C14orf39: variants seen among roughly 807,000 people sequenced by gnomAD.
C14orf39 encodes protein SIX6OS1.
C14orf39 carries 66 observed loss-of-function variants against 85.6 expected under a neutral mutation model. The ratio of observed to expected loss-of-function variants is 0.77; its 90% CI spans 0.63 to 0.95. C14orf39 has a LOEUF of 0.95. C14orf39 is among the 40% of genes least tolerant of loss of function. C14orf39 has a pLI of 0.00. For missense variants in C14orf39, 735 were observed against 663.9 expected, an observed-to-expected ratio of 1.11 and a Z score of -1.18; for synonymous variants, 242 against 214.0, an observed-to-expected ratio of 1.13 and a Z score of -1.14.
intron 16 of C14orf39, among the ~76,000 whole-genome samples, chr14:60,444,782 G>C (rs1595441883): frequency 6.6e-6 from 1 of 152,116 alleles, no homozygotes; most frequent in Non-Finnish European, 1.5e-5. Context: ...AGGAAACAAT[G>C]TTAAGGGCAG....
At chr14:60,502,766 C>T (rs1288001814) in intron 1 of C14orf39, among the ~76,000 whole-genome samples, 1 of 152,198 alleles carries the variant, frequency 6.6e-6, no homozygotes, top group African/African-American at 2.4e-5. Context: ...CTTAAGCAGC[C>T]TCCTCTCTGT....
At chr14:60,460,676 T>C (rs1030526031) in intron 13 of C14orf39, among the ~76,000 whole-genome samples, 2 of 151,876 alleles carry the variant, frequency 1.3e-5, no homozygotes, top group African/African-American at 4.8e-5. Context: ...TATACATACA[T>C]GTATACACAT....
At chr14:60,470,981 C>G (rs1442632211) in intron 7 of C14orf39, among the ~76,000 whole-genome samples, 1 of 151,934 alleles carries the variant, frequency 6.6e-6, no homozygotes, top group East Asian at 1.9e-4. Flanking sequence ...GTCTTCCCTA[C>G]TAAACCCAGA....
intron 1 of C14orf39, among the ~76,000 whole-genome samples, chr14:60,506,575 A>C (rs1288246233): frequency 1.3e-5 from 2 of 152,168 alleles, no homozygotes; most frequent in Non-Finnish European, 1.5e-5. Flanking sequence ...CAAATAAGTG[A>C]TTCCAAGGTG....
At chr14:60,512,827 TA>T (rs1351816389) in intron 1 of C14orf39, 1 of 152,202 alleles carries the variant, frequency 6.6e-6, no homozygotes, top group Non-Finnish European at 1.5e-5. Context: ...TTGCATATTA[TA>T]AAATTTGACA....
At chr14:60,463,948 C>A (rs977517200) in intron 11 of C14orf39, among the ~76,000 whole-genome samples, 1 of 152,026 alleles carries the variant, frequency 6.6e-6, no homozygotes, top group African/African-American at 2.4e-5. Context: ...CTATCCTATC[C>A]AAAATCTAAT....
intron 16 of C14orf39, among the ~76,000 whole-genome samples, chr14:60,443,078 C>T (rs1353855623): frequency 3.0e-5 from 2 of 66,996 alleles, no homozygotes; most frequent in African/African-American, 1.2e-4. Context: ...ATAGGAAGAG[C>T]TCTGGTCTGC....
intron 16 of C14orf39, among the ~76,000 whole-genome samples, chr14:60,451,121 C>T (rs1891013479): frequency 6.6e-6 from 1 of 152,126 alleles, no homozygotes; most frequent in South Asian, 2.1e-4. Flanking sequence ...CTAGAAAAAT[C>T]ACCAGGGACC....
At chr14:60,487,725 A>G (rs1167038885), upstream of C14orf39, among the ~76,000 whole-genome samples, 1 of 152,202 alleles carries the variant, frequency 6.6e-6, no homozygotes, top group African/African-American at 2.4e-5. Flanking sequence ...TAATGGCGGT[A>G]CCCATTTGCA....
At chr14:60,475,144 G>A (rs945769209) in intron 5 of C14orf39, among the ~76,000 whole-genome samples, 6 of 151,970 alleles carry the variant, frequency 3.9e-5, no homozygotes, top group African/African-American at 7.2e-5. Flanking sequence ...TGTATGTGTC[G>A]AGGAATTTAT....
intron 5 of C14orf39, among the ~76,000 whole-genome samples, chr14:60,473,397 TCTTTA>T (rs1364018505): frequency 2.6e-5 from 4 of 152,292 alleles, no homozygotes; most frequent in Non-Finnish European, 4.4e-5. Context: ...GTGCAGAAGC[TCTTTA>T]CTTTAATTAG....
rs1890267754 is a variant in C14orf39 at position 60,436,778 on chromosome 14, C to T, written c.*67G>A. On this transcript the variant is annotated 3_prime_UTR_variant, in exon 18 of 18. Coordinates refer to ENST00000321731, the MANE Select transcript of C14orf39 (RefSeq NM_174978.3). ...AAGAAAGCAGTCTTCATGTTTTAAG[C>T]AATAATGTAAATTTATGCCCTCATG... 2 of 1,015,448 alleles carry T rather than the reference C, an allele frequency of 2.0e-6. No homozygotes were observed. Among genetic ancestry groups the T allele is most frequent in the Non-Finnish European group, 3.0e-6 (2 of 672,636 alleles). The allele number at this position is 1,015,448 out of a possible 1,614,324, so 62.9% of individuals were successfully genotyped here. A position where few individuals can be genotyped will look rare whatever the true frequency, so the allele number is the denominator to read the frequency against.
intron 1 of C14orf39, chr14:60,509,152 G>A (rs1455209903): frequency 7.3e-6 from 4 of 550,570 alleles, no homozygotes; most frequent in South Asian, 4.1e-5. Flanking sequence ...CCCCAATAGC[G>A]GAGCCAGCTC....
intron 1 of C14orf39, among the ~76,000 whole-genome samples, chr14:60,485,572 T>TA (rs879734530): frequency 5.5e-4 from 84 of 152,072 alleles, no homozygotes; most frequent in Non-Finnish European, 7.9e-4. Context: ...CCACGAAGAA[T>TA]AAAAAAATTG....
chr14:60,511,053 C>CTG, intron 1 of C14orf39: 1 of 1,608,310 alleles, frequency 6.2e-7, no homozygotes. Context: ...GTGTTACGAG[C>CTG]TGTGACCCGT....
chr14:60,486,627 G>A (rs1289346312), upstream of C14orf39, among the ~76,000 whole-genome samples: 1 of 152,166 alleles, frequency 6.6e-6, no homozygotes, highest in Non-Finnish European at 1.5e-5. Flanking sequence ...GTGAAATAAA[G>A]AGTGTAAACA....
intron 1 of C14orf39, chr14:60,509,834 T>G (rs1398379921): frequency 1.2e-6 from 2 of 1,613,746 alleles, no homozygotes; most frequent in East Asian, 2.2e-5. Flanking sequence ...GCTACGCGAG[T>G]GGTACCTGCA....
chr14:60,472,354 C>T (rs1040870745), intron 5 of C14orf39, among the ~76,000 whole-genome samples: 2 of 151,958 alleles, frequency 1.3e-5, no homozygotes, highest in African/African-American at 2.4e-5. Flanking sequence ...TATTTAGGCA[C>T]AAATCTTGAG....
At chr14:60,503,653 C>G (rs1454960703) in intron 1 of C14orf39, among the ~76,000 whole-genome samples, 1 of 152,146 alleles carries the variant, frequency 6.6e-6, no homozygotes, top group African/African-American at 2.4e-5. Context: ...CTCTGTCCCA[C>G]TAATTATTCA....
Sources: gnomAD v4.1 joint callset for allele counts (sites outside exome capture counted in the v4.1 genomes callset) on GRCh38, gnomAD v4.1.1 for gene constraint, MANE v1.5 for transcripts, NCBI Gene and HGNC (gene_info 2026-07-23, HGNC 2026-07-21) for gene names.